The following ABCD3 variants were observed in gnomAD, a reference collection of about 807,000 sequenced individuals.
ABCD3 encodes the protein ATP binding cassette subfamily D member 3, also known as ATP-binding cassette sub-family D member 3.
ABCD3 carries 41 observed loss-of-function variants against 105.5 expected under a neutral mutation model. The ratio of observed to expected loss-of-function variants is 0.39; its 90% confidence interval spans 0.30 to 0.50. ABCD3 has a LOEUF of 0.50. Among genes scored for constraint, ABCD3 ranks in the 20% least tolerant of loss-of-function variants. The pLI, the probability that ABCD3 is intolerant of heterozygous loss-of-function variation, is 0.84. For missense variants in ABCD3, 622 were observed against 806.3 expected (o/e 0.77, Z 2.77); for synonymous variants, 258 against 269.0 (o/e 0.96, Z 0.40).
At chr1:94,479,555 A>G (rs1648934280) in intron 8 of ABCD3, among the ~76,000 whole-genome samples, 1 of 152,154 alleles carries the variant, frequency 6.6e-6, no homozygotes, top group South Asian at 2.1e-4. Flanking sequence ...ACAGGTAGAT[A>G]GTCAAACAAT....
chr1:94,416,163 C>CT (rs1166013943), upstream of ABCD3, among the ~76,000 whole-genome samples: 1 of 152,184 alleles, frequency 6.6e-6, no homozygotes, highest in Admixed American at 6.5e-5. Flanking sequence ...GTTACAAACT[C>CT]TAAGATGATA....
chr1:94,454,358 T>A (rs1157042245), intron 1 of ABCD3, among the ~76,000 whole-genome samples: 43 of 152,120 alleles, frequency 2.8e-4, no homozygotes. Context: ...GATCACTGAT[T>A]TAGGGCTTAT....
chr1:94,409,436 A>AATG, the ABCD3 span, among the ~76,000 whole-genome samples: 2 of 152,172 alleles, frequency 1.3e-5, no homozygotes. Context: ...CTCCCTAATA[A>AATG]ATCACTGATA....
intron 3 of ABCD3, 80 bp from the exon 4 acceptor site, chr1:94,467,839 C>T (rs1648227278): frequency 9.6e-7 from 1 of 1,041,350 alleles, no homozygotes; most frequent in African/African-American, 1.6e-5. Context: ...ATTTGGAAAC[C>T]AAAAATTGTT....
At chr1:94,462,217 G>A (rs1057016940) in intron 2 of ABCD3, among the ~76,000 whole-genome samples, 2 of 152,060 alleles carry the variant, frequency 1.3e-5, no homozygotes, top group African/African-American at 4.8e-5. Context: ...AAATTATTGG[G>A]AAGTTTAGAA....
rs556453996 is a variant in ABCD3 at position 94,456,298 on chromosome 1, G to A, written c.111-2309G>A. Among the ~76,000 whole-genome samples, 30 of 107,570 alleles carry A rather than the reference G, an allele frequency of 2.8e-4. No homozygotes were observed. The East Asian group carries it at 8.4e-3, about 30-fold the overall frequency. 70.6% of individuals were successfully genotyped at this position (107,570 alleles called of 152,430 possible). On this transcript the variant is annotated intron_variant, in intron 1 of 22. Transcript: ENST00000370214. ...TTTTTTTTTTTTTTTTTTTGGAGAC[G>A]GAGTCTTGCTCTGTCGCCCAGGCTG...
upstream of ABCD3, among the ~76,000 whole-genome samples, chr1:94,414,252 T>C (rs1412120585): frequency 6.6e-6 from 1 of 152,210 alleles, no homozygotes; most frequent in Non-Finnish European, 1.5e-5. Context: ...CTGATGAGCA[T>C]GTACCACTTC....
chr1:94,442,552 C>A (rs1660172296), intron 1 of ABCD3, among the ~76,000 whole-genome samples: 1 of 152,074 alleles, frequency 6.6e-6, no homozygotes, highest in Admixed American at 6.6e-5. Flanking sequence ...GAAGTCTGGG[C>A]TTTTAGTGTA....
At chr1:94,405,825 A>T in the ABCD3 span, among the ~76,000 whole-genome samples, 8 of 151,780 alleles carry the variant, frequency 5.3e-5, no homozygotes, top group African/African-American at 1.9e-4. Context: ...TCAGTTAGGG[A>T]TACTGATTTT....
At chr1:94,515,265 G>A in intron 22 of ABCD3, 63 bp downstream of exon 22, 1 of 1,319,300 alleles carries the variant, frequency 7.6e-7, no homozygotes, top group Non-Finnish European at 1.1e-6. Flanking sequence ...ATGAATTCAG[G>A]TTAATATGGT....
chr1:94,512,621 A>C (rs905801619), intron 21 of ABCD3, among the ~76,000 whole-genome samples: 6 of 151,938 alleles, frequency 3.9e-5, no homozygotes, highest in Non-Finnish European at 7.4e-5. Context: ...GCAATTTTTA[A>C]TTTATCCGTT....
rs1649339982 is a variant in ABCD3, at chr1:94,487,743, T to C, written c.1017T>C (p.Asp339=). Residue 339 remains aspartate (D), a synonymous_variant, in exon 12 of 23, where the codon GAT becomes GAC. Coordinates refer to ENST00000370214, the MANE Select transcript of ABCD3 (RefSeq NM_002858.4). Reference sequence around the variant, plus strand: ...TAGTTGTCAGTCGCCCTTTCTTAGATTTGTCTCATCCTCGACATCTCAAGA... The same window carrying C: ...TAGTTGTCAGTCGCCCTTTCTTAGACTTGTCTCATCCTCGACATCTCAAGA... ...GYLVVSRPFL[D]LSHPRHLKST... 6.2e-7 allele frequency: 1 copy of C among 1,613,970 alleles called. No homozygotes were observed. Among genetic ancestry groups the C allele is most frequent in the Admixed American group, 1.7e-5 (1 of 59,994 alleles).
intron 1 of ABCD3, among the ~76,000 whole-genome samples, chr1:94,444,979 C>G (rs558125568): frequency 6.2e-4 from 94 of 152,206 alleles, no homozygotes; most frequent in Non-Finnish European, 1.2e-3. Flanking sequence ...TTTCTTAAAC[C>G]ACAAACAATA....
At chr1:94,443,897 A>G (rs964495600) in intron 1 of ABCD3, among the ~76,000 whole-genome samples, 1 of 152,196 alleles carries the variant, frequency 6.6e-6, no homozygotes, top group Non-Finnish European at 1.5e-5. Flanking sequence ...ATCACTTTCT[A>G]ATATTGGTTA....
rs1457829463 is a variant in ABCD3, at chr1:94,424,509, G to A, written c.110+5921G>A. Among the ~76,000 whole-genome samples the A allele has an allele frequency of 2.0e-5, 3 of 151,928 alleles. No individual in the cohort carries two copies. In the East Asian group the frequency reaches 5.8e-4, roughly 29 times the overall value. On this transcript the variant is annotated intron_variant, in intron 1 of 22. Coordinates refer to ENST00000370214, the MANE Select transcript of ABCD3 (RefSeq NM_002858.4). ...ACCATCTTGGATCATTGCAACCTTT[G>A]CCACCCAGGCTCAAACAGTCCTCCT... is the stretch of plus-strand genomic sequence containing the variant.
chr1:94,415,926 T>A (rs1658992300), upstream of ABCD3, among the ~76,000 whole-genome samples: 1 of 152,212 alleles, frequency 6.6e-6, no homozygotes, highest in African/African-American at 2.4e-5. Context: ...ATAAACTTAA[T>A]GGGTTCCAGA....
chr1:94,430,452 C>T (rs1659628225), intron 1 of ABCD3, among the ~76,000 whole-genome samples: 1 of 152,124 alleles, frequency 6.6e-6, no homozygotes, highest in Admixed American at 6.6e-5. Flanking sequence ...GTAGGAGGGA[C>T]AGGTGGGAGG....
chr1:94,493,198 C>G, intron 16 of ABCD3, among the ~76,000 whole-genome samples: 1 of 151,906 alleles, frequency 6.6e-6, no homozygotes, highest in Admixed American at 6.6e-5. Flanking sequence ...ACCTACTCAT[C>G]TGACAAAGGG....
intron 1 of ABCD3, among the ~76,000 whole-genome samples, chr1:94,447,116 C>T (rs1035157795): frequency 1.3e-5 from 2 of 152,188 alleles, no homozygotes; most frequent in African/African-American, 4.8e-5. Context: ...CCTCTAGAAC[C>T]TATACCTTTA....
Sources: allele counts gnomAD v4.1 joint callset (sites outside exome capture counted in the v4.1 genomes callset), GRCh38; gene constraint gnomAD v4.1.1; transcripts MANE v1.5; gene names NCBI Gene and HGNC (gene_info 2026-07-23, HGNC 2026-07-21).